ACKR2: variants seen among roughly 807,000 people sequenced by gnomAD.
ACKR2 encodes atypical chemokine receptor 2.
For missense variants in ACKR2, 457 were observed against 477.3 expected (o/e 0.96, Z 0.40); for synonymous variants, 207 against 192.2 (o/e 1.08, Z -0.64).
chr3:42,839,880 T>C (rs1295938509), intron 2 of ACKR2, among the ~76,000 whole-genome samples: 2 of 152,138 alleles, frequency 1.3e-5, no homozygotes, highest in East Asian at 1.9e-4. Context: ...GCTTAAAATA[T>C]AATAGCAAGA....
intron 2 of ACKR2, among the ~76,000 whole-genome samples, chr3:42,848,213 A>ATTTTTT (rs36054454): frequency 8.0e-5 from 6 of 74,916 alleles, no homozygotes; most frequent in East Asian, 4.1e-4. Flanking sequence ...AAAAAAAAAA[A>ATTTTTT]TTTTTTTTTT....
chr3:42,855,672 T>C, intron 2 of ACKR2, among the ~76,000 whole-genome samples: 1 of 151,918 alleles, frequency 6.6e-6, no homozygotes, highest in East Asian at 1.9e-4. Flanking sequence ...GCTGTGGTCA[T>C]TCTTGTTGGC....
chr3:42,865,784 C>A lies in ACKR2; in HGVS notation c.*127C>A. 2 of 715,962 alleles carry A rather than the reference C, an allele frequency of 2.8e-6. No homozygotes were observed. Among genetic ancestry groups the A allele is most frequent in the Non-Finnish European group, 4.6e-6 (2 of 437,462 alleles). 44.4% of individuals were successfully genotyped at this position (715,962 alleles called of 1,614,324 possible). ...CCAGTGGTCAGTTCTCAGTTCTCAGCCATCAGCAGCATTTGCTCGCCCCGC... is the reference window on the plus strand; with the variant it reads ...CCAGTGGTCAGTTCTCAGTTCTCAGACATCAGCAGCATTTGCTCGCCCCGC... On this transcript the variant is annotated 3_prime_UTR_variant, in exon 3 of 3. Transcript: ENST00000422265.
At chr3:42,828,093 T>TATATATATATATATA (rs1553699769) in intron 2 of ACKR2, among the ~76,000 whole-genome samples, 2 of 70,628 alleles carry the variant, frequency 2.8e-5, no homozygotes, top group East Asian at 3.0e-4. Context: ...TATATATATA[T>TATATATATATATATA]TTTTTTTTTT....
chr3:42,839,530 G>A (rs1470539000), intron 2 of ACKR2, among the ~76,000 whole-genome samples: 3 of 152,106 alleles, frequency 2.0e-5, no homozygotes, highest in African/African-American at 2.4e-5. Flanking sequence ...ACGTCATCTC[G>A]CAAACATAAT....
At chr3:42,831,388 GT>G (rs1164033787) in intron 2 of ACKR2, among the ~76,000 whole-genome samples, 3 of 152,188 alleles carry the variant, frequency 2.0e-5, no homozygotes, top group Non-Finnish European at 2.9e-5. Flanking sequence ...GCTTTGTGAC[GT>G]TAAAACATTT....
intron 2 of ACKR2, among the ~76,000 whole-genome samples, chr3:42,832,985 TC>T (rs1308197585): frequency 1.3e-5 from 2 of 152,206 alleles, no homozygotes; most frequent in Non-Finnish European, 2.9e-5. Flanking sequence ...CACCTCAGCC[TC>T]CCGAGTAGCT....
intron 1 of ACKR2, among the ~76,000 whole-genome samples, chr3:42,812,215 G>A (rs1322768420): frequency 1.3e-5 from 2 of 152,204 alleles, no homozygotes; most frequent in Non-Finnish European, 2.9e-5. Flanking sequence ...GTTGTATAGT[G>A]CATAACGGCC....
At chr3:42,810,486 G>A (rs554634463) in intron 1 of ACKR2, among the ~76,000 whole-genome samples, 12 of 150,108 alleles carry the variant, frequency 8.0e-5, no homozygotes, top group African/African-American at 2.5e-4. Flanking sequence ...ACAATACCAC[G>A]TTTTATCAAT....
intron 2 of ACKR2, among the ~76,000 whole-genome samples, chr3:42,847,644 C>A (rs1701111758): frequency 6.6e-6 from 1 of 151,850 alleles, no homozygotes; most frequent in Non-Finnish European, 1.5e-5. Flanking sequence ...CAGGGCCAAC[C>A]CAGGGCTCTC....
chr3:42,836,039 C>A (rs1212414125), intron 2 of ACKR2: 2 of 152,110 alleles, frequency 1.3e-5, no homozygotes, highest in African/African-American at 4.8e-5. Context: ...TAGTCTGAGG[C>A]AACCCCTGAG....
intron 2 of ACKR2, among the ~76,000 whole-genome samples, chr3:42,825,355 C>T (rs1700851696): frequency 6.6e-6 from 1 of 152,144 alleles, no homozygotes; most frequent in African/African-American, 2.4e-5. Flanking sequence ...TGTAATTCCA[C>T]TTACTTAGGT....
intron 1 of ACKR2, among the ~76,000 whole-genome samples, chr3:42,812,439 G>A (rs1476349472): frequency 2.0e-5 from 3 of 152,046 alleles, no homozygotes; most frequent in Non-Finnish European, 4.4e-5. Flanking sequence ...TATTAAAAGG[G>A]GCCTTAAAGC....
intron 2 of ACKR2, among the ~76,000 whole-genome samples, chr3:42,838,493 G>T (rs998796158): frequency 1.3e-5 from 2 of 152,132 alleles, no homozygotes; most frequent in Admixed American, 6.5e-5. Flanking sequence ...AAACCACAAT[G>T]AGATACTACT....
chr3:42,834,209 C>T (rs1014257228), intron 2 of ACKR2, among the ~76,000 whole-genome samples: 11 of 152,274 alleles, frequency 7.2e-5, no homozygotes, highest in East Asian at 3.9e-4. Context: ...CCACCTGCCT[C>T]GGCCTCCCAA....
intron 2 of ACKR2, among the ~76,000 whole-genome samples, chr3:42,847,840 G>A (rs779253140): frequency 2.0e-5 from 3 of 152,136 alleles, no homozygotes; most frequent in East Asian, 1.9e-4. Context: ...TGACTCCTCC[G>A]ACTGCAACCT....
chr3:42,836,223 C>G (rs1325392365), intron 2 of ACKR2, among the ~76,000 whole-genome samples: 3 of 152,116 alleles, frequency 2.0e-5, no homozygotes, highest in Admixed American at 1.3e-4. Flanking sequence ...GAGATAAAAG[C>G]AAAACTGTAG....
At chr3:42,841,363 A>T (rs866583569) in intron 2 of ACKR2, among the ~76,000 whole-genome samples, 1 of 152,248 alleles carries the variant, frequency 6.6e-6, no homozygotes, top group African/African-American at 2.4e-5. Context: ...CCAATGAAAG[A>T]AAATACTGAA....
At chr3:42,821,975 C>G (rs538070392) in intron 2 of ACKR2, among the ~76,000 whole-genome samples, 1 of 152,044 alleles carries the variant, frequency 6.6e-6, no homozygotes, top group African/African-American at 2.4e-5. Flanking sequence ...GGATTACAGG[C>G]GTGAGCCACC....
Sources: allele counts gnomAD v4.1 joint callset (sites outside exome capture counted in the v4.1 genomes callset), GRCh38; gene constraint gnomAD v4.1.1; transcripts MANE v1.5; gene names NCBI Gene and HGNC (gene_info 2026-07-23, HGNC 2026-07-21).